STAU2: variants seen among roughly 807,000 people sequenced by gnomAD.
STAU2 encodes the protein double-stranded RNA-binding protein Staufen homolog 2.
A neutral mutation model predicts 65.9 loss-of-function variants in STAU2; 20 were observed. That is an observed-to-expected ratio of 0.30 (90% CI 0.21 to 0.44). The LOEUF (loss-of-function observed/expected upper bound fraction) is 0.44, where lower values mean the gene tolerates loss of function less well. Ranked by LOEUF, STAU2 falls within the 20% of genes least tolerant of loss-of-function variation. The probability of loss-of-function intolerance (pLI) is 1.00; values close to 1 mark genes in which losing one functional copy is unlikely to be tolerated. For missense variants in STAU2, 558 were observed against 683.9 expected (o/e 0.82, Z 2.05); for synonymous variants, 232 against 233.9 (o/e 0.99, Z 0.07).
chr8:73,731,623 C>G (rs906824202), intron 3 of STAU2, among the ~76,000 whole-genome samples: 1 of 152,100 alleles, frequency 6.6e-6, no homozygotes, highest in Non-Finnish European at 1.5e-5. Context: ...TAACAAATTA[C>G]CTCCAATTTT....
chr8:73,678,768 G>A (rs1818188970), intron 5 of STAU2, among the ~76,000 whole-genome samples: 2 of 152,146 alleles, frequency 1.3e-5, no homozygotes, highest in Admixed American at 1.3e-4. Flanking sequence ...ACTTCAAAAT[G>A]AAGAGAATAA....
At chr8:73,715,473 AAG>A (rs1821192049) in intron 3 of STAU2, among the ~76,000 whole-genome samples, 1 of 151,792 alleles carries the variant, frequency 6.6e-6, no homozygotes, top group Admixed American at 6.6e-5. Flanking sequence ...AAAAGAAAGA[AAG>A]AAAGAAAAAT....
intron 9 of STAU2, among the ~76,000 whole-genome samples, chr8:73,607,519 C>T (rs1432605716): frequency 2.0e-5 from 3 of 151,724 alleles, no homozygotes; most frequent in African/African-American, 7.3e-5. Context: ...CACCTGAGGT[C>T]GGGAGTTCGA....
At chr8:73,487,193 TG>T (rs1314332057) in intron 13 of STAU2, among the ~76,000 whole-genome samples, 1 of 151,998 alleles carries the variant, frequency 6.6e-6, no homozygotes, top group Admixed American at 6.6e-5. Context: ...GTGCTATCTG[TG>T]GGTCAGTTAG....
chr8:73,703,211 T>C (rs1820247502), intron 4 of STAU2, among the ~76,000 whole-genome samples: 1 of 152,172 alleles, frequency 6.6e-6, no homozygotes, highest in Admixed American at 6.6e-5. Context: ...TTTAGCGCCA[T>C]CCCTTGGTAC....
chr8:73,708,877 T>C (rs1168093944), intron 4 of STAU2, among the ~76,000 whole-genome samples, 155 bp downstream of exon 4: 1 of 152,192 alleles, frequency 6.6e-6, no homozygotes, highest in Non-Finnish European at 1.5e-5. Context: ...CAAAATAGTT[T>C]AGTTACATAC....
intron 10 of STAU2, among the ~76,000 whole-genome samples, chr8:73,597,929 T>C (rs1811323321): frequency 6.6e-6 from 1 of 152,162 alleles, no homozygotes; most frequent in South Asian, 2.1e-4. Context: ...TTCATCCAAA[T>C]TCATCCATAA....
chr8:73,689,399 T>C (rs1375838497), intron 4 of STAU2, among the ~76,000 whole-genome samples: 1 of 152,230 alleles, frequency 6.6e-6, no homozygotes, highest in Non-Finnish European at 1.5e-5. Flanking sequence ...TCATCATCTT[T>C]AGCTTGGACA....
At chr8:73,715,210 T>C (rs1428604153) in intron 3 of STAU2, among the ~76,000 whole-genome samples, 1 of 150,224 alleles carries the variant, frequency 6.7e-6, no homozygotes, top group African/African-American at 2.4e-5. Flanking sequence ...ATTTCTTGAG[T>C]AAATATACCT....
intron 8 of STAU2, among the ~76,000 whole-genome samples, chr8:73,614,605 T>G (rs1343006569): frequency 2.0e-5 from 3 of 152,202 alleles, no homozygotes; most frequent in Non-Finnish European, 4.4e-5. Flanking sequence ...TAAACCTTGT[T>G]TAATCTGCAA....
At chr8:73,702,113 T>C (rs965347805) in intron 4 of STAU2, among the ~76,000 whole-genome samples, 1 of 151,996 alleles carries the variant, frequency 6.6e-6, no homozygotes, top group African/African-American at 2.4e-5. Context: ...GATGGGAAGA[T>C]GGTTAATGGG....
chr8:73,672,901 G>A (rs1453606048), intron 6 of STAU2: 74 of 297,506 alleles, frequency 2.5e-4, no homozygotes, highest in Non-Finnish European at 3.2e-4. Context: ...TGGGGTAGGG[G>A]AAAAAAAAAA....
intron 13 of STAU2, among the ~76,000 whole-genome samples, chr8:73,435,643 C>A (rs1385897286): frequency 6.6e-6 from 1 of 151,944 alleles, no homozygotes; most frequent in East Asian, 1.9e-4. Flanking sequence ...GAGAAATGTT[C>A]CTGCCCCATA....
At chr8:73,608,192 G>T (rs924470981) in intron 9 of STAU2, among the ~76,000 whole-genome samples, 1 of 152,182 alleles carries the variant, frequency 6.6e-6, no homozygotes, top group Non-Finnish European at 1.5e-5. Flanking sequence ...ACGATCATTT[G>T]GTGTCAAGAG....
In STAU2 at chr8:73,611,376, C is replaced by T. The variant is rs1812442444; in HGVS notation, c.891+2368G>A. Among the ~76,000 whole-genome samples the T allele has an allele frequency of 1.3e-5, 2 of 152,068 alleles. 1 individual carries two copies. Among genetic ancestry groups the T allele is most frequent in the South Asian group, 4.1e-4 (2 of 4,824 alleles). On this transcript the variant is annotated intron_variant, in intron 9 of 14. Transcript: ENST00000524300. ...TATGAGGAAAAATGCAGGAGGCTAA[C>T]CTAGTCTGGGAGTAGGAGAGGACCA...
intron 6 of STAU2, among the ~76,000 whole-genome samples, chr8:73,617,945 T>A (rs1446366158): frequency 4.6e-5 from 7 of 152,202 alleles, no homozygotes; most frequent in Admixed American, 2.0e-4. Context: ...TTTAGGCCAG[T>A]TCTTAAGCAG....
intron 13 of STAU2, among the ~76,000 whole-genome samples, chr8:73,455,597 G>T (rs1430818847): frequency 6.6e-6 from 1 of 152,068 alleles, no homozygotes; most frequent in African/African-American, 2.4e-5. Context: ...AGGCCCAGGG[G>T]TGCTCTGTGC....
rs368814173 is a variant in STAU2 at position 73,688,631 on chromosome 8, A to G, written c.274+23T>C. On this transcript the variant is annotated intron_variant, in intron 5 of 14. Transcript: ENST00000524300. ...GCAGAACACACATAGCAGACAACATAACAGAAGGAGTCACTGCCATACCTG... is the reference window on the plus strand; with the variant it reads ...GCAGAACACACATAGCAGACAACATGACAGAAGGAGTCACTGCCATACCTG... The G allele has an allele frequency of 1.5e-5, 25 of 1,613,654 alleles. No homozygotes were observed. In the African/African-American group the frequency reaches 3.1e-4, roughly 20 times the overall value.
chr8:73,448,235 T>C (rs1314144407), intron 13 of STAU2, among the ~76,000 whole-genome samples: 2 of 152,202 alleles, frequency 1.3e-5, no homozygotes, highest in South Asian at 2.1e-4. Flanking sequence ...AATTCATGGG[T>C]CAGGGACCAT....
Sources: gnomAD v4.1 joint callset for allele counts (sites outside exome capture counted in the v4.1 genomes callset) on GRCh38, gnomAD v4.1.1 for gene constraint, MANE v1.5 for transcripts, NCBI Gene and HGNC (gene_info 2026-07-23, HGNC 2026-07-21) for gene names.